Variants in LGR6 observed in about 807,000 individuals in gnomAD.
The protein encoded by LGR6 is leucine-rich repeat-containing G protein-coupled receptor 6.
LGR6 carries 45 observed loss-of-function variants against 69.4 expected under a neutral mutation model. That is an observed-to-expected ratio of 0.65 (90% CI 0.51 to 0.83). The LOEUF (loss-of-function observed/expected upper bound fraction) is 0.83. Ranked by LOEUF, LGR6 falls within the 40% of genes least tolerant of loss-of-function variation. LGR6 has a pLI of 0.00. For synonymous variants in LGR6, 538 were observed against 555.0 expected (o/e 0.97, Z 0.43); for missense variants, 1,108 against 1,246.7 (o/e 0.89, Z 1.68).
chr1:202,211,249 A>G (rs2147914390), intron 1 of LGR6, among the ~76,000 whole-genome samples: 1 of 152,372 alleles, frequency 6.6e-6, no homozygotes, highest in South Asian at 2.1e-4. Flanking sequence ...ATATACAGAA[A>G]TAAACATCCA....
intron 4 of LGR6, among the ~76,000 whole-genome samples, chr1:202,242,928 T>C (rs1299006573): frequency 6.6e-6 from 1 of 152,252 alleles, no homozygotes; most frequent in African/African-American, 2.4e-5. Context: ...ATTGCACTTA[T>C]TCTCTCACTT....
chr1:202,199,390 G>A (rs979594101), intron 1 of LGR6, among the ~76,000 whole-genome samples: 3 of 151,988 alleles, frequency 2.0e-5, no homozygotes, highest in African/African-American at 7.3e-5. Flanking sequence ...GTCGCCGGAG[G>A]TGGGTGAATG....
intron 4 of LGR6, among the ~76,000 whole-genome samples, chr1:202,247,072 A>C (rs1662769108): frequency 6.6e-6 from 1 of 151,122 alleles, no homozygotes; most frequent in African/African-American, 2.5e-5. Flanking sequence ...GGAAACTATA[A>C]AGTGCAGATC....
chr1:202,277,997 C>T lies in LGR6; in HGVS notation c.644+1476C>T, dbSNP rs115718812. On this transcript the variant is annotated intron_variant, in intron 5 of 17. Coordinates refer to ENST00000367278, the MANE Select transcript of LGR6 (RefSeq NM_001017403.2). ...GGCCAGTGTGGCTGGAGCAGAGGGT[C>T]CCCATGCAGAGCTCAGGAGAAGAAG... Among the ~76,000 whole-genome samples, 768 of 151,986 alleles carry T rather than the reference C, an allele frequency of 5.1e-3. 4 individuals carry two copies. The highest frequency in any genetic ancestry group is 0.017 in the Middle Eastern group (5 of 294).
At chr1:202,197,949 C>CT (rs758147828) in intron 1 of LGR6, among the ~76,000 whole-genome samples, 26 of 152,354 alleles carry the variant, frequency 1.7e-4, no homozygotes, top group Middle Eastern at 6.8e-3. Context: ...GGCTCATGCA[C>CT]TTGCAGTCAC....
chr1:202,255,851 AG>A (rs1663725809), intron 4 of LGR6, among the ~76,000 whole-genome samples: 1 of 152,248 alleles, frequency 6.6e-6, no homozygotes, highest in South Asian at 2.1e-4. Flanking sequence ...GTACATCACT[AG>A]TGTAAGACTT....
At chr1:202,294,653 G>A (rs1667019571) in intron 6 of LGR6, among the ~76,000 whole-genome samples, 2 of 152,202 alleles carry the variant, frequency 1.3e-5, no homozygotes, top group African/African-American at 2.4e-5. Context: ...GAAAGCAAAG[G>A]CAGAGGCTGT....
intron 1 of LGR6, among the ~76,000 whole-genome samples, chr1:202,202,960 G>A (rs1277590048): frequency 6.6e-6 from 1 of 152,156 alleles, no homozygotes; most frequent in African/African-American, 2.4e-5. Context: ...CAGGGACTTG[G>A]ATGTGGTCCC....
intron 16 of LGR6, among the ~76,000 whole-genome samples, chr1:202,312,685 C>T (rs1423296235): frequency 1.3e-5 from 2 of 152,198 alleles, no homozygotes; most frequent in Non-Finnish European, 2.9e-5. Flanking sequence ...CTTTTGAAGA[C>T]AAGCCATTCT....
chr1:202,198,750 C>T (rs1385522407), intron 1 of LGR6, among the ~76,000 whole-genome samples: 2 of 150,708 alleles, frequency 1.3e-5, no homozygotes, highest in Admixed American at 1.3e-4. Flanking sequence ...ATGGAAGACG[C>T]CAGCATGCTC....
chr1:202,242,885 C>T (rs1662330405), intron 4 of LGR6, among the ~76,000 whole-genome samples: 2 of 152,188 alleles, frequency 1.3e-5, no homozygotes, highest in African/African-American at 4.8e-5. Flanking sequence ...CAACAGGAAC[C>T]AACACTTGGC....
intron 15 of LGR6, 54 bp from the exon 16 acceptor site, chr1:202,310,143 T>C (rs1653599067): frequency 6.3e-7 from 1 of 1,595,460 alleles, no homozygotes; most frequent in Non-Finnish European, 8.6e-7. Flanking sequence ...CAGACTTAGG[T>C]CTTAGACCCC....
chr1:202,194,285 C>A, intron 1 of LGR6, 84 bp downstream of exon 1: 1 of 974,600 alleles, frequency 1.0e-6, no homozygotes, highest in Non-Finnish European at 1.5e-6. Flanking sequence ...CACCTGCTTG[C>A]TTGGTGCCCT....
intron 1 of LGR6, chr1:202,214,005 A>G (rs1659581220): frequency 7.6e-7 from 1 of 1,315,520 alleles, no homozygotes; most frequent in Non-Finnish European, 9.7e-7. Context: ...GATGAACCAA[A>G]TAGTTCGGGA....
chr1:202,317,132 G>A (rs1654205769), intron 17 of LGR6, among the ~76,000 whole-genome samples: 1 of 152,170 alleles, frequency 6.6e-6, no homozygotes, highest in African/African-American at 2.4e-5. Context: ...CTGACTGAGA[G>A]AAACAGAGCC....
rs1380049202 is a variant in LGR6, at chr1:202,228,026, C to T, written c.356+19C>T. The T allele has an allele frequency of 6.4e-7, 1 of 1,566,594 alleles. No individual in the cohort carries two copies. Among genetic ancestry groups the T allele is most frequent in the Non-Finnish European group, 8.8e-7 (1 of 1,137,262 alleles). ...AAATCCTGTAAGTATAGGTACACCT[C>T]ATTTTACATAGAGCTGCAGCACTGA... On this transcript the variant is annotated intron_variant, in intron 3 of 17. Coordinates refer to ENST00000367278, the MANE Select transcript of LGR6 (RefSeq NM_001017403.2).
intron 2 of LGR6, among the ~76,000 whole-genome samples, chr1:202,225,882 C>T (rs748745186): frequency 3.9e-5 from 6 of 152,154 alleles, no homozygotes; most frequent in Non-Finnish European, 7.4e-5. Flanking sequence ...CCCACTGCTA[C>T]TGCCCCAGAT....
At chr1:202,201,265 G>A (rs1353019125) in intron 1 of LGR6, among the ~76,000 whole-genome samples, 2 of 152,188 alleles carry the variant, frequency 1.3e-5, no homozygotes, top group Non-Finnish European at 2.9e-5. Flanking sequence ...CATCAGGAAC[G>A]TTCATTCTTG....
chr1:202,220,630 G>A (rs779849223), intron 1 of LGR6, among the ~76,000 whole-genome samples: 2 of 152,234 alleles, frequency 1.3e-5, no homozygotes, highest in Admixed American at 6.5e-5. Context: ...GCTAGTGAGT[G>A]TTGTCCTGGG....
Sources: gnomAD v4.1 joint callset for allele counts (sites outside exome capture counted in the v4.1 genomes callset) on GRCh38, gnomAD v4.1.1 for gene constraint, MANE v1.5 for transcripts, NCBI Gene and HGNC (gene_info 2026-07-23, HGNC 2026-07-21) for gene names.